Variants in SLC8A2 observed in about 807,000 individuals in gnomAD.
SLC8A2 encodes the protein solute carrier family 8 member A2.
In SLC8A2, 14 loss-of-function variants were observed where a neutral mutation model predicts 70.2. That is an observed-to-expected ratio of 0.20 (90% confidence interval 0.13 to 0.31). The LOEUF is 0.31. Ranked by LOEUF, SLC8A2 falls within the 10% of genes least tolerant of loss-of-function variation. The probability of loss-of-function intolerance (pLI) is 1.00; values close to 1 mark genes in which losing one functional copy is unlikely to be tolerated. For missense variants in SLC8A2, 779 were observed against 1,320.1 expected, an observed-to-expected ratio of 0.59 and a Z score of 6.35; for synonymous variants, 575 against 594.3, an observed-to-expected ratio of 0.97 and a Z score of 0.47.
At chr19:47,470,950 G>A (rs1382540619) in intron 1 of SLC8A2, among the ~76,000 whole-genome samples, 1 of 151,948 alleles carries the variant, frequency 6.6e-6, no homozygotes, top group Admixed American at 6.5e-5. Context: ...GCCTGGGGGA[G>A]CCCACTCTGC....
chr19:47,467,443 T>C (rs1033816159), intron 1 of SLC8A2, among the ~76,000 whole-genome samples: 6 of 152,114 alleles, frequency 3.9e-5, no homozygotes, highest in African/African-American at 1.4e-4. Flanking sequence ...GGGGAGGGGT[T>C]GCTGGAGGGT....
chr19:47,459,361 G>A (rs1192987420), intron 2 of SLC8A2, among the ~76,000 whole-genome samples: 3 of 151,612 alleles, frequency 2.0e-5, no homozygotes, highest in Admixed American at 6.6e-5. Context: ...TTGTTGCCTC[G>A]GTCTCCTTGG....
chr19:47,437,003 C>T lies in SLC8A2; in HGVS notation c.2110+459G>A, dbSNP rs533795929. On this transcript the variant is annotated intron_variant, in intron 8 of 9. Transcript: ENST00000236877. ...AGAAAGCCCAGGCTGGGAACCCTCC[C>T]GGTTCAGCCCAGAGCCAAACACAAA... Among the ~76,000 whole-genome samples, 7 of 152,194 alleles carry T rather than the reference C, an allele frequency of 4.6e-5. No homozygotes were observed. In the East Asian group the frequency reaches 1.4e-3, roughly 29 times the overall value.
intron 2 of SLC8A2, among the ~76,000 whole-genome samples, chr19:47,463,810 G>C (rs1967426181): frequency 6.6e-6 from 1 of 152,114 alleles, no homozygotes; most frequent in South Asian, 2.1e-4. Flanking sequence ...TCTGTTTCAG[G>C]CAGACTATTT....
chr19:47,454,290 A>G (rs1967277819), intron 3 of SLC8A2, among the ~76,000 whole-genome samples: 1 of 152,226 alleles, frequency 6.6e-6, no homozygotes, highest in Non-Finnish European at 1.5e-5. Context: ...AGGGGTGGGT[A>G]GGAGTGGAAA....
At chr19:47,436,776 A>T (rs830157) in intron 8 of SLC8A2, among the ~76,000 whole-genome samples, 1 of 152,058 alleles carries the variant, frequency 6.6e-6, no homozygotes, top group Non-Finnish European at 1.5e-5. Flanking sequence ...CAAGACCGTC[A>T]GTGGGTACAA....
chr19:47,452,397 GGAGAGAGAGAGAGAGAGAGAGA>G lies in SLC8A2; in HGVS notation c.1341-4188_1341-4167del, dbSNP rs56184564. Among the ~76,000 whole-genome samples the G allele has an allele frequency of 3.4e-4, 22 of 65,492 alleles. 1 individual carries two copies. Among genetic ancestry groups the G allele is most frequent in the South Asian group, 8.0e-4 (1 of 1,252 alleles). The allele number at this position is 65,492 out of a possible 152,430, so 43.0% of individuals were successfully genotyped here. Reference sequence around the variant, plus strand: ...GCCCAGCTTATATATATATATATATGGAGAGAGAGAGAGAGAGAGAGAGAGAGAGAGAGAGAGAGAGAGAGAG... The same window carrying G: ...GCCCAGCTTATATATATATATATATGGAGAGAGAGAGAGAGAGAGAGAGAG... On this transcript the variant is annotated intron_variant, in intron 3 of 9. Coordinates refer to ENST00000236877, the MANE Select transcript of SLC8A2 (RefSeq NM_015063.3).
In SLC8A2 at chr19:47,467,013, C is replaced by T. The variant is rs139540427; in HGVS notation, c.-16-594G>A. Among the ~76,000 whole-genome samples, 845 of 152,168 alleles carry T rather than the reference C, an allele frequency of 5.6e-3. 9 individuals carry two copies. Among genetic ancestry groups the T allele is most frequent in the African/African-American group, 0.019 (799 of 41,490 alleles). On this transcript the variant is annotated intron_variant, in intron 1 of 9. Transcript: ENST00000236877. Reference sequence around the variant, plus strand: ...CGGAGGTTGCAGTGAGCTGAGATGGCGCTACTGTACTCCAGCCTGGGTGAC... The same window carrying T: ...CGGAGGTTGCAGTGAGCTGAGATGGTGCTACTGTACTCCAGCCTGGGTGAC...
chr19:47,462,368 G>A (rs1015358348), intron 2 of SLC8A2, among the ~76,000 whole-genome samples: 29 of 152,054 alleles, frequency 1.9e-4, no homozygotes, highest in African/African-American at 6.3e-4. Flanking sequence ...GGGTTCAAGC[G>A]ATTCTCCTGC....
chr19:47,432,105 C>G lies in SLC8A2; in HGVS notation c.2389+62G>C. On this transcript the variant is annotated intron_variant, in intron 9 of 9. Coordinates refer to ENST00000236877, the MANE Select transcript of SLC8A2 (RefSeq NM_015063.3). This position sits in a 1 kb window ranked among gnomAD's most constrained non-coding sequence, Gnocchi z 6.2. ...CCACCCACCTCATTTTGGCAGGATCCTGTGTTGCCCCTGCCTGGCTCATCT... is the reference window on the plus strand; with the variant it reads ...CCACCCACCTCATTTTGGCAGGATCGTGTGTTGCCCCTGCCTGGCTCATCT... 6.8e-7 allele frequency: 1 copy of G among 1,470,426 alleles called. No homozygotes were observed. Among genetic ancestry groups the G allele is most frequent in the East Asian group, 2.3e-5 (1 of 43,500 alleles). 91.1% of individuals were successfully genotyped at this position (1,470,426 alleles called of 1,614,324 possible). A position where few individuals can be genotyped will look rare whatever the true frequency, so the allele number is the denominator to read the frequency against.
At chr19:47,451,405 C>T (rs1311886379) in intron 3 of SLC8A2, among the ~76,000 whole-genome samples, 3 of 152,062 alleles carry the variant, frequency 2.0e-5, no homozygotes, top group Non-Finnish European at 2.9e-5. Context: ...ACTTCCTGGG[C>T]TTAAGCAGCC....
intron 5 of SLC8A2, 33 bp downstream of exon 5, chr19:47,441,304 T>A: frequency 3.8e-6 from 6 of 1,589,740 alleles, no homozygotes; most frequent in Non-Finnish European, 5.2e-6. Flanking sequence ...CTGGACCCCT[T>A]ACTTCTCCCA....
rs143785449 is a variant in SLC8A2, at chr19:47,465,484, T to G, written c.675+245A>C. 3.8e-3 allele frequency among the ~76,000 whole-genome samples: 585 copies of G among 152,310 alleles called. 8 individuals carry two copies. Among genetic ancestry groups the G allele is most frequent in the African/African-American group, 0.013 (560 of 41,556 alleles). On this transcript the variant is annotated intron_variant, in intron 2 of 9. Coordinates refer to ENST00000236877, the MANE Select transcript of SLC8A2 (RefSeq NM_015063.3). The surrounding 1 kb of genome is among the most constrained non-coding windows in gnomAD (Gnocchi z 5.5). ...GCGTCCCTCTGGACAAATAAATGTT[T>G]GCTGCACCCTCCAGAGATATGGCTG...
intron 3 of SLC8A2, among the ~76,000 whole-genome samples, chr19:47,449,716 C>A (rs1012831155): frequency 1.3e-5 from 2 of 152,114 alleles, no homozygotes; most frequent in Admixed American, 6.6e-5. Flanking sequence ...GACTTAGGGA[C>A]GGGTCACCTC....
chr19:47,447,948 C>T lies in SLC8A2; in HGVS notation c.1624G>A (p.Asp542Asn), dbSNP rs1227269979. The change falls in exon 4 of 10, where the codon GAC (aspartate) becomes AAC (asparagine). Residue 542 changes from aspartate (D) to asparagine (N), a missense_variant. Asp to Asn is a conservative substitution (Grantham distance 23, BLOSUM62 1). Transcript: ENST00000236877. The surrounding 1 kb of genome is among the most constrained non-coding windows in gnomAD (Gnocchi z 5.1). ...CCCGAGCTGCGCACGACGCGCACGT[C>T]CACGGTGCCCATGCACTCGCTCACG... Reference protein sequence around the residue: ...LHVSECMGTVDVRVVRSSGAR... With the variant: ...LHVSECMGTVNVRVVRSSGAR... 1 of 1,561,880 alleles carries T rather than the reference C, an allele frequency of 6.4e-7. No homozygotes were observed.
At chr19:47,452,410 G>T (rs1171337746) in intron 3 of SLC8A2, among the ~76,000 whole-genome samples, 10 of 71,270 alleles carry the variant, frequency 1.4e-4, no homozygotes, top group African/African-American at 5.3e-4. Context: ...GAGAGAGAGA[G>T]AGAGAGAGAG....
In SLC8A2 at chr19:47,448,971, C is replaced by G. The variant is rs539261233; in HGVS notation, c.1341-740G>C. Among the ~76,000 whole-genome samples, 1 of 152,260 alleles carries G rather than the reference C, an allele frequency of 6.6e-6. No homozygotes were observed. Among genetic ancestry groups the G allele is most frequent in the East Asian group, 1.9e-4 (1 of 5,182 alleles). On this transcript the variant is annotated intron_variant, in intron 3 of 9. Coordinates refer to ENST00000236877, the MANE Select transcript of SLC8A2 (RefSeq NM_015063.3). The surrounding 1 kb of genome is among the most constrained non-coding windows in gnomAD (Gnocchi z 4.8). ...CCCTGTCCTCACAGGGTTCACAGCCCCATGGGAGAGCCATATCACCATGAC... is the reference window on the plus strand; with the variant it reads ...CCCTGTCCTCACAGGGTTCACAGCCGCATGGGAGAGCCATATCACCATGAC...
At chr19:47,434,819 G>T (rs1268841784) in intron 8 of SLC8A2, among the ~76,000 whole-genome samples, 1 of 152,184 alleles carries the variant, frequency 6.6e-6, no homozygotes, top group Non-Finnish European at 1.5e-5. Context: ...TGAACAAAGT[G>T]CAAAGTGACC....
intron 1 of SLC8A2, among the ~76,000 whole-genome samples, 157 bp downstream of exon 1, chr19:47,471,632 C>G (rs1482790534): frequency 1.3e-5 from 2 of 152,000 alleles, no homozygotes; most frequent in Non-Finnish European, 1.5e-5. Flanking sequence ...CACTCCCACC[C>G]CACAGAAGGT....
Sources: gnomAD v4.1 joint callset for allele counts (sites outside exome capture counted in the v4.1 genomes callset) on GRCh38, gnomAD v4.1.1 for gene constraint, Gnocchi (gnomAD v3.1) non-coding constraint, MANE v1.5 for transcripts, NCBI Gene and HGNC (gene_info 2026-07-23, HGNC 2026-07-21) for gene names.